The following PRDM11 variants were observed in gnomAD, a reference collection of about 807,000 sequenced individuals.
PRDM11 encodes the protein PR domain-containing protein 11.
In PRDM11, 20 loss-of-function variants were observed where a neutral mutation model predicts 97.8. That is an observed-to-expected ratio of 0.20 (90% CI 0.14 to 0.30). PRDM11 has a LOEUF of 0.30. PRDM11 is among the 10% of genes least tolerant of loss of function. The pLI is 1.00. For synonymous variants in PRDM11, 599 were observed against 637.7 expected, an observed-to-expected ratio of 0.94 and a Z score of 0.91; for missense variants, 1,139 against 1,555.2, an observed-to-expected ratio of 0.73 and a Z score of 4.50.
chr11:45,182,931 C>T lies in PRDM11; in HGVS notation c.294C>T (p.Asp98=). The T allele has an allele frequency of 2.5e-6, 4 of 1,613,640 alleles. No individual in the cohort carries two copies. Among genetic ancestry groups the T allele is most frequent in the Non-Finnish European group, 1.7e-6 (2 of 1,179,820 alleles). Residue 98 remains aspartate (D), a synonymous_variant, in exon 4 of 8, where the codon GAC becomes GAT. Coordinates refer to ENST00000683152, the MANE Select transcript of PRDM11 (RefSeq NM_001384648.1). ...ATGGCCCCCCGGTGTTTGTGTCTGA[C>T]ACACCGGTGCCCGTGGGCATCCCAG... ...PNHGPPVFVS[D]TPVPVGIPDR...
chr11:45,169,214 T>C (rs1852142226), intron 1 of PRDM11, among the ~76,000 whole-genome samples: 1 of 152,338 alleles, frequency 6.6e-6, no homozygotes, highest in Non-Finnish European at 1.5e-5. Context: ...TCCACATACC[T>C]ATCACCCAAC....
intron 1 of PRDM11, among the ~76,000 whole-genome samples, chr11:45,172,687 A>T (rs748697753): frequency 6.6e-6 from 1 of 152,224 alleles, no homozygotes; most frequent in African/African-American, 2.4e-5. Flanking sequence ...AGTGATTTAC[A>T]TAGCATTAAC....
Position 45,219,664 on chromosome 11 carries a change from C to T in PRDM11, c.649C>T (p.Pro217Ser), listed in dbSNP as rs1317259175. 1 of 1,614,108 alleles carries T rather than the reference C, an allele frequency of 6.2e-7. No homozygotes were observed. Among genetic ancestry groups the T allele is most frequent in the African/African-American group, 1.3e-5 (1 of 75,022 alleles). ...CTTCCGGGCGTGCAGGGACATCCGG[C>T]CTGGGGAGTGGCTGCGGGTCTGGTA... ...IYFRACRDIR[P>S]GEWLRVWYSE... is the part of the protein sequence containing the mutation. The change falls in exon 6 of 8, where the codon CCT becomes TCT. Residue 217 changes from proline to serine, a missense_variant. Transcript: ENST00000683152. The surrounding 1 kb of genome is among the most constrained non-coding windows in gnomAD (Gnocchi z 4.2).
chr11:45,154,247 T>C (rs1318051087), intron 1 of PRDM11, among the ~76,000 whole-genome samples: 1 of 152,036 alleles, frequency 6.6e-6, no homozygotes, highest in Non-Finnish European at 1.5e-5. Context: ...TCCCAGCAAC[T>C]TGGGAGGCTG....
intron 1 of PRDM11, among the ~76,000 whole-genome samples, chr11:45,175,130 T>C (rs554389320): frequency 3.3e-5 from 5 of 152,218 alleles, no homozygotes; most frequent in African/African-American, 7.2e-5. Context: ...TCAACCTCCA[T>C]TGAAACATCG....
chr11:45,153,429 A>G (rs1005288299), intron 1 of PRDM11, among the ~76,000 whole-genome samples: 4 of 152,234 alleles, frequency 2.6e-5, no homozygotes, highest in Admixed American at 1.3e-4. Flanking sequence ...CAATGCCACT[A>G]CTGGCCTCCA....
At chr11:45,180,037 T>TCACACCGAACCAGTCC (rs1852429284) in intron 1 of PRDM11, among the ~76,000 whole-genome samples, 10 of 152,338 alleles carry the variant, frequency 6.6e-5, no homozygotes, top group African/African-American at 2.4e-4. Flanking sequence ...GATTGTTCGG[T>TCACACCGAACCAGTCC]AGAGGACTGG....
intron 4 of PRDM11, among the ~76,000 whole-genome samples, chr11:45,197,432 G>C (rs987111292): frequency 3.3e-5 from 5 of 152,130 alleles, no homozygotes; most frequent in African/African-American, 9.7e-5. Context: ...GTACAGCATA[G>C]AGCCTATAGT....
Position 45,228,244 on chromosome 11 carries a change from A to ATT in PRDM11, c.*86_*87dup. On this transcript the variant is annotated 3_prime_UTR_variant, in exon 8 of 8. Coordinates refer to ENST00000683152, the MANE Select transcript of PRDM11 (RefSeq NM_001384648.1). Reference sequence around the variant, plus strand: ...GCTTTGATATATTATATAAATATATATTATATTATATTATATTATATTATA... The same window carrying ATT: ...GCTTTGATATATTATATAAATATATATTTTATATTATATTATATTATATTATA... 2.4e-5 allele frequency: 1 copy of ATT among 41,248 alleles called. No individual in the cohort carries two copies. The allele number at this position is 41,248 out of a possible 1,614,324, so 2.6% of individuals were successfully genotyped here.
intron 5 of PRDM11, chr11:45,213,093 C>T (rs763635759): frequency 4.4e-6 from 2 of 454,090 alleles, no homozygotes; most frequent in Admixed American, 2.4e-5. Flanking sequence ...GGATGTCTGG[C>T]CTCACAACAG....
intron 1 of PRDM11, among the ~76,000 whole-genome samples, chr11:45,102,463 G>A (rs922769484): frequency 1.3e-5 from 2 of 152,174 alleles, no homozygotes; most frequent in Non-Finnish European, 2.9e-5. Flanking sequence ...CCCTGGGGCC[G>A]GCATGAGGGG....
intron 1 of PRDM11, among the ~76,000 whole-genome samples, chr11:45,174,511 A>T (rs1852281098): frequency 6.6e-6 from 1 of 152,190 alleles, no homozygotes; most frequent in South Asian, 2.1e-4. Context: ...GGGTAGAGAT[A>T]TGGGGGTCCT....
At chr11:45,167,244 G>T (rs1226520778) in intron 1 of PRDM11, among the ~76,000 whole-genome samples, 1 of 152,160 alleles carries the variant, frequency 6.6e-6, no homozygotes, top group East Asian at 1.9e-4. Context: ...GCCTTTCCAT[G>T]AATACATGAG....
At chr11:45,193,212 G>T (rs987561548) in intron 4 of PRDM11, among the ~76,000 whole-genome samples, 13 of 152,210 alleles carry the variant, frequency 8.5e-5, no homozygotes, top group Non-Finnish European at 1.5e-5. Flanking sequence ...GAGTAGCTGC[G>T]ATCACAGGAG....
chr11:45,102,247 G>A (rs34937552), intron 1 of PRDM11, among the ~76,000 whole-genome samples: 1,104 of 56,002 alleles, frequency 0.02, 363 homozygotes, highest in African/African-American at 0.11. Flanking sequence ...GAGGCTGAGC[G>A]GAGGAAGAAG....
intron 1 of PRDM11, among the ~76,000 whole-genome samples, chr11:45,162,418 C>G (rs1465283704): frequency 3.9e-5 from 6 of 152,088 alleles, no homozygotes; most frequent in African/African-American, 1.4e-4. Context: ...AGAAGGAAAC[C>G]TCAAACCCAC....
chr11:45,139,977 G>A (rs1284791510), intron 1 of PRDM11, among the ~76,000 whole-genome samples: 1 of 152,128 alleles, frequency 6.6e-6, no homozygotes, highest in East Asian at 1.9e-4. Flanking sequence ...ATAACTGGAG[G>A]GAACTACTGT....
intron 1 of PRDM11, among the ~76,000 whole-genome samples, chr11:45,170,479 A>T (rs561494077): frequency 6.6e-6 from 1 of 152,332 alleles, no homozygotes; most frequent in East Asian, 1.9e-4. Context: ...ACATGGGTAT[A>T]AGGCGGAAGA....
At chr11:45,208,408 G>A (rs1853591768) in intron 5 of PRDM11, among the ~76,000 whole-genome samples, 1 of 152,226 alleles carries the variant, frequency 6.6e-6, no homozygotes, top group Admixed American at 6.5e-5. Flanking sequence ...CTGTAGGGCT[G>A]TAGGTAAATA....
Sources: allele counts gnomAD v4.1 joint callset (sites outside exome capture counted in the v4.1 genomes callset), GRCh38; gene constraint gnomAD v4.1.1; non-coding constraint Gnocchi (gnomAD v3.1); transcripts MANE v1.5; gene names NCBI Gene and HGNC (gene_info 2026-07-23, HGNC 2026-07-21).